Variants in ITPR3 observed in about 807,000 individuals in gnomAD.
ITPR3 encodes the protein inositol 1,4,5-trisphosphate-gated calcium channel ITPR3.
In ITPR3, 173 loss-of-function variants were observed where a neutral mutation model predicts 293.2. The observed-to-expected ratio is 0.59, with a 90% CI of 0.52 to 0.67. The LOEUF is 0.67. ITPR3 is among the 30% of genes least tolerant of loss of function. The probability of loss-of-function intolerance (pLI) is 0.00; values close to 1 mark genes in which losing one functional copy is unlikely to be tolerated. For synonymous variants in ITPR3, 1,295 were observed against 1,444.4 expected (o/e 0.90, Z 2.35); for missense variants, 2,796 against 3,592.1 (o/e 0.78, Z 5.66).
chr6:33,688,141 T>C lies in ITPR3; in HGVS notation c.6349T>C (p.Tyr2117His), dbSNP rs1582164491. ...QEEEEDPLAY[Y>H]ENHTSQIEIV... ...GGAGGAGGAAGACCCCCTGGCCTAC[T>C]ATGAGAACCACACGTCCCAGATCGA... The change falls in exon 47 of 58, where the codon TAT becomes CAT. Residue 2117 changes from tyrosine to histidine, a missense_variant. By Grantham distance (83) the Tyr-to-His change is moderately conservative (BLOSUM62 2). Transcript: ENST00000605930. The C allele has an allele frequency of 6.2e-7, 1 of 1,614,058 alleles. No homozygotes were observed. The highest frequency in any genetic ancestry group is 8.5e-7 in the Non-Finnish European group (1 of 1,179,988).
At chr6:33,668,706 C>T (rs1260508705) in intron 17 of ITPR3, 72 bp downstream of exon 17, 1 of 1,602,236 alleles carries the variant, frequency 6.2e-7, no homozygotes, top group African/African-American at 1.3e-5. Flanking sequence ...AGCTTAGGCC[C>T]TGTCTGGGTT....
At chr6:33,690,778 C>A in intron 51 of ITPR3, 139 bp from the exon 52 acceptor site, 1 of 717,860 alleles carries the variant, frequency 1.4e-6, no homozygotes, top group Non-Finnish European at 2.3e-6. Context: ...TTGGATACGA[C>A]TAAGTGCAGA....
intron 1 of ITPR3, among the ~76,000 whole-genome samples, chr6:33,630,378 C>T (rs1036098470): frequency 6.6e-6 from 1 of 152,232 alleles, no homozygotes; most frequent in Non-Finnish European, 1.5e-5. Context: ...CTCAGTTACT[C>T]TGTCAAGTGA....
intron 2 of ITPR3, among the ~76,000 whole-genome samples, chr6:33,642,120 G>A (rs145450116): frequency 0.01 from 1,551 of 152,242 alleles, 28 homozygotes; most frequent in African/African-American, 0.03. Context: ...CCTCCCCAGC[G>A]TCCTCTTGCC....
intron 2 of ITPR3, among the ~76,000 whole-genome samples, chr6:33,641,123 C>T (rs1233816752): frequency 6.6e-6 from 1 of 152,240 alleles, no homozygotes; most frequent in Non-Finnish European, 1.5e-5. Context: ...GTTCACGGGA[C>T]CTTGTCCTGA....
Position 33,621,680 on chromosome 6 carries a change from C to T in ITPR3, c.78C>T (p.Ile26=). 1 of 1,608,512 alleles carries T rather than the reference C, an allele frequency of 6.2e-7. No individual in the cohort carries two copies. The highest frequency in any genetic ancestry group is 8.5e-7 in the Non-Finnish European group (1 of 1,177,406). ...CCGAGGGCTCCGTCAATGGCTTCAT[C>T]AGCACTTTGGGGTGAGTGAGCCGAG... The part of the protein sequence containing the change: ...LYAEGSVNGF[I]STLGLVDDRC... Residue 26 remains isoleucine, a synonymous_variant, in exon 1 of 58, where the codon ATC becomes ATT. Transcript: ENST00000605930. The surrounding 1 kb of genome is among the most constrained non-coding windows in gnomAD (Gnocchi z 7.7).
At chr6:33,685,306 G>C (rs1765195142) in intron 39 of ITPR3, 53 bp from the exon 40 acceptor site, 9 of 1,508,548 alleles carry the variant, frequency 6.0e-6, no homozygotes, top group Non-Finnish European at 7.3e-6. Flanking sequence ...CACGCCCTGA[G>C]TAGGAGCAGG....
At chr6:33,662,497 G>A (rs1327473583) in intron 7 of ITPR3, 31 bp from the exon 8 acceptor site, 1 of 1,552,316 alleles carries the variant, frequency 6.4e-7, no homozygotes, top group African/African-American at 1.4e-5. Context: ...AGGGGCCGCA[G>A]CCATCCTGAG....
Position 33,663,921 on chromosome 6 carries a change from T to C in ITPR3, c.1148+41T>C, listed in dbSNP as rs1364452756. 18 of 1,609,486 alleles carry C rather than the reference T, an allele frequency of 1.1e-5. No individual in the cohort carries two copies. The South Asian group carries it at 1.3e-4, about 12-fold the overall frequency. ...GTGCCTGGGAGTTGACTGGTGGTGC[T>C]CAGGGTGGGCCCTCCTGTCTCTGGG... On this transcript the variant is annotated intron_variant, in intron 11 of 57. Coordinates refer to ENST00000605930, the MANE Select transcript of ITPR3 (RefSeq NM_002224.4).
chr6:33,695,611 G>A (rs1765522359), intron 57 of ITPR3, 101 bp from the exon 58 acceptor site: 1 of 1,175,602 alleles, frequency 8.5e-7, no homozygotes. Context: ...AATAGCAGCT[G>A]GGCCCACAGG....
chr6:33,689,135 G>A (rs994380195), intron 49 of ITPR3, 103 bp from the exon 50 acceptor site: 38 of 1,353,594 alleles, frequency 2.8e-5, no homozygotes, highest in Middle Eastern at 3.9e-4. Context: ...GAACTTAACC[G>A]GGAAGGCGGC....
chr6:33,661,238 T>C (rs1271923313), intron 7 of ITPR3, among the ~76,000 whole-genome samples: 1 of 152,202 alleles, frequency 6.6e-6, no homozygotes, highest in Non-Finnish European at 1.5e-5. Flanking sequence ...ATGCTTTGTG[T>C]CTAGTGTGTG....
At chr6:33,628,994 A>AGAT (rs565077512) in intron 1 of ITPR3, among the ~76,000 whole-genome samples, 2 of 152,140 alleles carry the variant, frequency 1.3e-5, no homozygotes, top group South Asian at 2.1e-4. Flanking sequence ...TGTGTCTCAA[A>AGAT]GATGATGATG....
In ITPR3 at chr6:33,684,917, C is replaced by G. The variant is rs764759646; in HGVS notation, c.5281C>G (p.Leu1761Val). 2 of 1,612,938 alleles carry G rather than the reference C, an allele frequency of 1.2e-6. No homozygotes were observed. Among genetic ancestry groups the G allele is most frequent in the South Asian group, 1.1e-5 (1 of 90,878 alleles). ...GAGCATCGGCCTGGCCATCCACCTG[C>G]TGGATGGTGGCAACACAGAGATCCA... Reference protein sequence around the residue: ...QESIGLAIHLLDGGNTEIQKS... With the variant: ...QESIGLAIHLVDGGNTEIQKS... Residue 1761 changes from leucine to valine, a missense_variant, in exon 39 of 58, where the codon CTG becomes GTG. This residue lies in a region of ITPR3 where 704 missense variants were observed against 797.5 expected (regional missense o/e 0.88). Transcript: ENST00000605930. The surrounding 1 kb of genome is among the most constrained non-coding windows in gnomAD (Gnocchi z 4.2).
At position 33,675,506 on chromosome 6, in the gene ITPR3, C is replaced by T. The variant is rs561729007; in HGVS notation, c.3117-185C>T. Among the ~76,000 whole-genome samples, 6 of 152,118 alleles carry T rather than the reference C, an allele frequency of 3.9e-5. No homozygotes were observed. The highest frequency in any genetic ancestry group is 1.4e-4 in the African/African-American group (6 of 41,478). On this transcript the variant is annotated intron_variant, in intron 24 of 57. Coordinates refer to ENST00000605930, the MANE Select transcript of ITPR3 (RefSeq NM_002224.4). This position sits in a 1 kb window ranked among gnomAD's most constrained non-coding sequence, Gnocchi z 5.0. Reference sequence around the variant, plus strand: ...AGATCCCAGGAGACACGGGTCACTCCGGAGATTCAGGGGAGTGGCTGTTAA... The same window carrying T: ...AGATCCCAGGAGACACGGGTCACTCTGGAGATTCAGGGGAGTGGCTGTTAA...
chr6:33,667,314 ACTC>A lies in ITPR3; in HGVS notation c.1713+25_1713+27del. On this transcript the variant is annotated intron_variant, in intron 15 of 57. Coordinates refer to ENST00000605930, the MANE Select transcript of ITPR3 (RefSeq NM_002224.4). The surrounding 1 kb of genome is among the most constrained non-coding windows in gnomAD (Gnocchi z 4.4). Reference sequence around the variant, plus strand: ...AGGTGCGCCGCTGCCCTGCTGGCCCACTCGCTGGCTGCACGTTCCTTCCTCAGC... The same window carrying A: ...AGGTGCGCCGCTGCCCTGCTGGCCCAGCTGGCTGCACGTTCCTTCCTCAGC... 1 of 1,604,870 alleles carries A rather than the reference ACTC, an allele frequency of 6.2e-7. No homozygotes were observed. Among genetic ancestry groups the A allele is most frequent in the South Asian group, 1.1e-5 (1 of 90,380 alleles).
At position 33,685,166 on chromosome 6, in the gene ITPR3, C is replaced by A. The variant is rs28495900; in HGVS notation, c.5308-193C>A. On this transcript the variant is annotated intron_variant, in intron 39 of 57. Coordinates refer to ENST00000605930, the MANE Select transcript of ITPR3 (RefSeq NM_002224.4). ...GGGTATGCGGGGGTGATGAAAGGAC[C>A]ACGTGACACAGGAGCAGATATGGGG... Among the ~76,000 whole-genome samples the A allele has an allele frequency of 0.041, 6,221 of 152,194 alleles. 390 individuals are homozygous for A. The highest frequency in any genetic ancestry group is 0.13 in the African/African-American group (5,466 of 41,496).
In ITPR3 at chr6:33,662,922, C is replaced by A; in HGVS notation, c.870C>A (p.His290Gln). 1 of 1,596,484 alleles carries A rather than the reference C, an allele frequency of 6.3e-7. No individual in the cohort carries two copies. Among genetic ancestry groups the A allele is most frequent in the Non-Finnish European group, 8.5e-7 (1 of 1,170,694 alleles). The change falls in exon 9 of 58, where the codon CAC becomes CAA. Residue 290 changes from histidine to glutamine, a missense_variant. This residue lies in a region of ITPR3 where 955 missense variants were observed against 1,180.8 expected (regional missense o/e 0.81). Coordinates refer to ENST00000605930, the MANE Select transcript of ITPR3 (RefSeq NM_002224.4). ...NALWEVEVVH[H>Q]DPCRGGAGHW... is the part of the protein sequence containing the mutation. ...CTGTGTGCCCCTAGGTGGTCCACCACGACCCCTGCCGTGGAGGAGCTGGGC... is the reference window on the plus strand; with the variant it reads ...CTGTGTGCCCCTAGGTGGTCCACCAAGACCCCTGCCGTGGAGGAGCTGGGC...
chr6:33,631,995 C>T (rs1763694264), intron 1 of ITPR3, among the ~76,000 whole-genome samples: 1 of 152,298 alleles, frequency 6.6e-6, no homozygotes, highest in South Asian at 2.1e-4. Flanking sequence ...ATGATCATCT[C>T]TATATCTAAT....
Sources: gnomAD v4.1 joint callset for allele counts (sites outside exome capture counted in the v4.1 genomes callset) on GRCh38, gnomAD v4.1.1 for gene constraint, gnomAD v4.1.1 regional missense constraint, Gnocchi (gnomAD v3.1) non-coding constraint, MANE v1.5 for transcripts, NCBI Gene and HGNC (gene_info 2026-07-23, HGNC 2026-07-21) for gene names.